Variants in DGKG observed in about 807,000 individuals in gnomAD.
DGKG encodes the protein diacylglycerol kinase gamma, also known as DAG kinase gamma.
A neutral mutation model predicts 105.3 loss-of-function variants in DGKG; 78 were observed. The ratio of observed to expected loss-of-function variants is 0.74; its 90% CI spans 0.62 to 0.89. The LOEUF is 0.89. DGKG is among the 40% of genes least tolerant of loss of function. DGKG has a pLI of 0.00. For missense variants in DGKG, 958 were observed against 1,020.1 expected (o/e 0.94, Z 0.83); for synonymous variants, 346 against 367.1 (o/e 0.94, Z 0.66).
At chr3:186,281,952 T>C (rs183750050) in intron 7 of DGKG, among the ~76,000 whole-genome samples, 165 of 152,336 alleles carry the variant, frequency 1.1e-3, no homozygotes, top group African/African-American at 3.8e-3. Flanking sequence ...ATTCCAGGAA[T>C]GGCATTTACA....
chr3:186,170,246 T>A (rs1716754405), intron 22 of DGKG, among the ~76,000 whole-genome samples: 1 of 152,216 alleles, frequency 6.6e-6, no homozygotes, highest in South Asian at 2.1e-4. Flanking sequence ...TTTTAAAGAT[T>A]TCCAGATGAT....
In DGKG at chr3:186,240,209, G is replaced by A. The variant is rs141350707; in HGVS notation, c.1826+2295C>T. ...CCCTGTGTTGCCCTCCTCTTTTTCC[G>A]TGTCTTGGTTCAGGCGTCTCTGTCA... On this transcript the variant is annotated intron_variant, in intron 20 of 24. Coordinates refer to ENST00000265022, the MANE Select transcript of DGKG (RefSeq NM_001346.3). Among the ~76,000 whole-genome samples, 143 of 151,822 alleles carry A rather than the reference G, an allele frequency of 9.4e-4. 1 individual carries two copies. Among genetic ancestry groups the A allele is most frequent in the African/African-American group, 3.4e-3 (139 of 41,344 alleles).
chr3:186,298,026 G>C (rs1341268456), intron 4 of DGKG, 38 bp downstream of exon 4: 1 of 1,576,744 alleles, frequency 6.3e-7, no homozygotes, highest in African/African-American at 1.4e-5. Context: ...GATGAGAGCT[G>C]CGCAAGGTCT....
chr3:186,161,492 C>A, intron 24 of DGKG, 111 bp downstream of exon 24: 1 of 1,543,488 alleles, frequency 6.5e-7, no homozygotes, highest in South Asian at 1.3e-5. Flanking sequence ...ACTAGATAAT[C>A]TTCCACAGTC....
In DGKG at chr3:186,148,854, G is replaced by A. The variant is rs561189984; in HGVS notation, c.*1236C>T. The A allele has an allele frequency of 1.2e-4, 119 of 984,578 alleles. 1 individual carries two copies. The African/African-American group carries it at 1.2e-3, about 10-fold the overall frequency. 61.0% of individuals were successfully genotyped at this position (984,578 alleles called of 1,614,324 possible). On this transcript the variant is annotated 3_prime_UTR_variant, in exon 25 of 25. Coordinates refer to ENST00000265022, the MANE Select transcript of DGKG (RefSeq NM_001346.3). The stretch of plus-strand genomic sequence containing the variant: ...GGGAGATGCGTCCTGACAATGAAAC[G>A]GTGGAGTGGGGGAGTGAGAACCTTC...
intron 22 of DGKG, among the ~76,000 whole-genome samples, chr3:186,181,430 C>G (rs1316866960): frequency 2.6e-5 from 4 of 152,148 alleles, no homozygotes; most frequent in Non-Finnish European, 5.9e-5. Flanking sequence ...TTTGTGCTAC[C>G]CATTTATAAC....
intron 24 of DGKG, among the ~76,000 whole-genome samples, chr3:186,156,639 A>G (rs899494063): frequency 7.2e-5 from 11 of 151,772 alleles, no homozygotes; most frequent in Non-Finnish European, 1.2e-4. Flanking sequence ...GTTCAGGAAC[A>G]TGGGATGTTC....
intron 24 of DGKG, among the ~76,000 whole-genome samples, chr3:186,152,961 CTTTTTTT>C (rs10579014): frequency 8.0e-6 from 1 of 124,528 alleles, no homozygotes; most frequent in African/African-American, 2.9e-5. Context: ...CGCGCCCGGC[CTTTTTTT>C]TTTTTTTTTT....
chr3:186,235,520 C>T (rs184251765), intron 20 of DGKG, among the ~76,000 whole-genome samples: 1 of 152,186 alleles, frequency 6.6e-6, no homozygotes, highest in Non-Finnish European at 1.5e-5. Context: ...GAGAAAGTCA[C>T]ACATCTGGGT....
chr3:186,212,883 C>T (rs781751483), intron 20 of DGKG, among the ~76,000 whole-genome samples: 2 of 152,178 alleles, frequency 1.3e-5, no homozygotes, highest in African/African-American at 4.8e-5. Context: ...GAGGATGCCA[C>T]CTTGCATGGC....
At chr3:186,215,665 G>T (rs1719250839) in intron 20 of DGKG, among the ~76,000 whole-genome samples, 3 of 152,022 alleles carry the variant, frequency 2.0e-5, no homozygotes, top group Non-Finnish European at 4.4e-5. Flanking sequence ...CATTAGAAGA[G>T]AAGAGTGGGG....
chr3:186,163,036 C>G (rs1716375410), intron 23 of DGKG, among the ~76,000 whole-genome samples: 1 of 151,980 alleles, frequency 6.6e-6, no homozygotes, highest in Non-Finnish European at 1.5e-5. Context: ...GACAGGGTGT[C>G]ACTCTGTTTC....
At position 186,284,661 on chromosome 3, in the gene DGKG, G is replaced by A. The variant is rs745999357; in HGVS notation, c.593C>T (p.Ala198Val). The change falls in exon 7 of 25, where the codon GCG becomes GTG. Residue 198 changes from alanine to valine, a missense_variant and splice_region_variant. By Grantham distance (64) the Ala-to-Val change is moderately conservative (BLOSUM62 0). Around this residue, in one of 2 missense-constraint regions of DGKG, gnomAD observed 643 missense variants for 619.5 expected, o/e 1.04. Transcript: ENST00000265022. The surrounding 1 kb of genome is among the most constrained non-coding windows in gnomAD (Gnocchi z 4.0). ...DSDENGLLDQ[A>V]EMDCIVNQML... ...GGGATATTTAGAGTGAGAACTTACC[G>A]CTTGGTCCAGGAGACCGTTCTCATC... 116 of 1,613,134 alleles carry A rather than the reference G, an allele frequency of 7.2e-5. No homozygotes were observed. The East Asian group carries it at 1.5e-3, about 20-fold the overall frequency.
chr3:186,187,774 A>C (rs562018479), intron 22 of DGKG, among the ~76,000 whole-genome samples: 27 of 152,312 alleles, frequency 1.8e-4, no homozygotes, highest in African/African-American at 6.5e-4. Flanking sequence ...AGGAGTGACA[A>C]GTGAGCGGGG....
intron 22 of DGKG, among the ~76,000 whole-genome samples, chr3:186,185,347 A>G (rs1456425101): frequency 2.6e-5 from 4 of 152,196 alleles, no homozygotes; most frequent in Admixed American, 6.5e-5. Context: ...CTGAAAGCAC[A>G]TTGTAGGGGT....
intron 17 of DGKG, among the ~76,000 whole-genome samples, chr3:186,254,007 T>C (rs1013840339): frequency 1.3e-5 from 2 of 152,238 alleles, no homozygotes; most frequent in Admixed American, 1.3e-4. Context: ...TTCCTAATTA[T>C]TCCTCTTCTG....
At chr3:186,295,037 C>T (rs936832014) in intron 5 of DGKG, among the ~76,000 whole-genome samples, 32 of 152,160 alleles carry the variant, frequency 2.1e-4, no homozygotes, top group African/African-American at 7.2e-4. Flanking sequence ...TTTATCTCAC[C>T]AGTCCTCAGT....
intron 18 of DGKG, among the ~76,000 whole-genome samples, chr3:186,252,203 C>G (rs957914617): frequency 6.6e-6 from 1 of 152,208 alleles, no homozygotes; most frequent in Non-Finnish European, 1.5e-5. Context: ...GGCTGGATGG[C>G]TGGGAGTCTC....
chr3:186,321,940 C>T (rs1344846946), intron 1 of DGKG, among the ~76,000 whole-genome samples: 2 of 152,212 alleles, frequency 1.3e-5, no homozygotes, highest in African/African-American at 4.8e-5. Flanking sequence ...CGACTCTGCT[C>T]CTTGGCACAT....
Sources: gnomAD v4.1 joint callset for allele counts (sites outside exome capture counted in the v4.1 genomes callset) on GRCh38, gnomAD v4.1.1 for gene constraint, gnomAD v4.1.1 regional missense constraint, Gnocchi (gnomAD v3.1) non-coding constraint, MANE v1.5 for transcripts, NCBI Gene and HGNC (gene_info 2026-07-23, HGNC 2026-07-21) for gene names.